The following TUBGCP6 variants were observed in gnomAD, a reference collection of about 807,000 sequenced individuals.
The protein encoded by TUBGCP6 is gamma-tubulin complex component 6.
In TUBGCP6, 161 loss-of-function variants were observed where a neutral mutation model predicts 175.8. The ratio of observed to expected loss-of-function variants is 0.92; its 90% confidence interval spans 0.81 to 1.04. The LOEUF (loss-of-function observed/expected upper bound fraction) is 1.04. Among genes scored for constraint, TUBGCP6 ranks in the 50% least tolerant of loss-of-function variants. TUBGCP6 has a pLI of 0.00. For synonymous variants in TUBGCP6, 1,173 were observed against 1,030.5 expected, an observed-to-expected ratio of 1.14 and a Z score of -2.65; for missense variants, 2,572 against 2,433.0, an observed-to-expected ratio of 1.06 and a Z score of -1.20.
Position 50,221,517 on chromosome 22 carries a change from G to A in TUBGCP6, c.2842C>T (p.Pro948Ser), listed in dbSNP as rs772876266. 2 of 1,584,502 alleles carry A rather than the reference G, an allele frequency of 1.3e-6. No homozygotes were observed. The highest frequency in any genetic ancestry group is 2.3e-5 in the South Asian group (2 of 88,490). ...PAAASTQPSRPQEYDFSTVLR... is the reference protein window; with the variant it reads ...PAAASTQPSRSQEYDFSTVLR... ...ACAGTACTAAAGTCGTACTCCTGTG[G>A]CCTGGAGGGCTGAGTGCTGGCTGCT... The change falls in exon 16 of 25, where the codon CCA (proline) becomes TCA (serine). Residue 948 changes from proline (P) to serine (S), a missense_variant. Physicochemically the swap from Pro to Ser is moderately conservative, Grantham distance 74. Transcript: ENST00000248846.
Position 50,221,182 on chromosome 22 carries a change from G to C in TUBGCP6, c.3177C>G (p.Ala1059=), listed in dbSNP as rs1394155746. 4.4e-6 allele frequency: 7 copies of C among 1,608,106 alleles called. No individual in the cohort carries two copies. The Admixed American group carries it at 1.2e-4, about 27-fold the overall frequency. The change falls in exon 16 of 25, where the codon GCC becomes GCG. Residue 1059 remains alanine, a synonymous_variant. Transcript: ENST00000248846. ...ACACATTCTCCCCGACCCTGATGCT[G>C]GCGTCAGACACGTGCCCGTGGGTGT... is the stretch of plus-strand genomic sequence containing the variant. The part of the protein sequence containing the change: ...RWNTHGHVSD[A]SIRVGENVSD...
Position 50,244,610 on chromosome 22 carries a change from A to G in TUBGCP6, c.-151T>C. 1 of 1,170,814 alleles carries G rather than the reference A, an allele frequency of 8.5e-7. No homozygotes were observed. The highest frequency in any genetic ancestry group is 1.2e-6 in the Non-Finnish European group (1 of 865,418). The allele number at this position is 1,170,814 out of a possible 1,614,324, so 72.5% of individuals were successfully genotyped here. A position where few individuals can be genotyped will look rare whatever the true frequency, so the allele number is the denominator to read the frequency against. On this transcript the variant is annotated 5_prime_UTR_variant, in exon 1 of 25. Coordinates refer to ENST00000248846, the MANE Select transcript of TUBGCP6 (RefSeq NM_020461.4). ...CCGAAGCTCAGAACTGGTATTTTTT[A>G]AAGGAGGTCTTGCGGTTGCTCTACT...
chr22:50,220,984 A>C lies in TUBGCP6; in HGVS notation c.3375T>G (p.Ala1125=). 2 of 1,608,356 alleles carry C rather than the reference A, an allele frequency of 1.2e-6. No individual in the cohort carries two copies. Among genetic ancestry groups the C allele is most frequent in the East Asian group, 4.5e-5 (2 of 44,674 alleles). Reference sequence around the variant, plus strand: ...GGGTATTCCACCGTGGCCTGGTGGGAGCCACATCTGACACATTCTCCCCGA... The same window carrying C: ...GGGTATTCCACCGTGGCCTGGTGGGCGCCACATCTGACACATTCTCCCCGA... ...IRVGENVSDV[A]PTRPRWNTHG... Residue 1125 remains alanine, a synonymous_variant, in exon 16 of 25, where the codon GCT becomes GCG. Transcript: ENST00000248846.
rs1418819436 is a variant in TUBGCP6, at chr22:50,219,722, C to G, written c.4237G>C (p.Gly1413Arg). The part of the protein sequence containing the change: ...EAEASAAEAQ[G>R]GEQAYLAGLA... ...CCTGCCAGGTAGGCCTGCTCCCCAC[C>G]CTGAGCCTCCGCCGCCGATGCCTCC... Residue 1413 changes from glycine (G) to arginine (R), a missense_variant, in exon 18 of 25, where the codon GGT (glycine) becomes CGT (arginine). By Grantham distance (125) the Gly-to-Arg change is moderately radical. Coordinates refer to ENST00000248846, the MANE Select transcript of TUBGCP6 (RefSeq NM_020461.4). 1 of 1,613,778 alleles carries G rather than the reference C, an allele frequency of 6.2e-7. No homozygotes were observed. The highest frequency in any genetic ancestry group is 1.1e-5 in the South Asian group (1 of 91,084).
In TUBGCP6 at chr22:50,226,766, G is replaced by A. The variant is rs1158709604; in HGVS notation, c.1568C>T (p.Ser523Phe). ...GGGCTCGCAGCTGGTCTTCAGCAGG[G>A]ACAGCAGTACAGGGTAGTGCTCGTT... ...CSNEHYPVLLSLLKTSCEPYT... is the reference protein window; with the variant it reads ...CSNEHYPVLLFLLKTSCEPYT... Residue 523 changes from serine (S) to phenylalanine (F), a missense_variant, in exon 7 of 25, where the codon TCC (serine) becomes TTC (phenylalanine). Coordinates refer to ENST00000248846, the MANE Select transcript of TUBGCP6 (RefSeq NM_020461.4). The A allele has an allele frequency of 1.5e-5, 24 of 1,592,838 alleles. No homozygotes were observed. Among genetic ancestry groups the A allele is most frequent in the Non-Finnish European group, 1.8e-5 (21 of 1,170,710 alleles).
At position 50,244,579 on chromosome 22, in the gene TUBGCP6, C is replaced by A; in HGVS notation, c.-120G>T. On this transcript the variant is annotated 5_prime_UTR_variant, in exon 1 of 25. Transcript: ENST00000248846. ...AGAGGCTGAATGACAGGCGGCCTCT[C>A]CAATGCCGAAGCTCAGAACTGGTAT... 1 of 1,418,628 alleles carries A rather than the reference C, an allele frequency of 7.0e-7. No homozygotes were observed. The highest frequency in any genetic ancestry group is 1.5e-5 in the South Asian group (1 of 67,710). 87.9% of individuals were successfully genotyped at this position (1,418,628 alleles called of 1,614,324 possible).
chr22:50,227,891 C>T lies in TUBGCP6; in HGVS notation c.1412+16G>A, dbSNP rs779315954. The T allele has an allele frequency of 1.9e-6, 3 of 1,570,926 alleles. No homozygotes were observed. Among genetic ancestry groups the T allele is most frequent in the South Asian group, 2.3e-5 (2 of 85,612 alleles). On this transcript the variant is annotated intron_variant, in intron 5 of 24. Transcript: ENST00000248846. The stretch of plus-strand genomic sequence containing the variant: ...TCCCGCAAAGTCCCCTGCTCAGCCG[C>T]CATGCTGAGGCTCACCTGAGCTGCC...
intron 2 of TUBGCP6, among the ~76,000 whole-genome samples, chr22:50,237,657 C>T (rs531547837): frequency 1.3e-5 from 2 of 152,270 alleles, no homozygotes; most frequent in African/African-American, 4.8e-5. Context: ...CTATAGGAAC[C>T]ACCGCCAGGC....
chr22:50,244,450 T>C lies in TUBGCP6; in HGVS notation c.10A>G (p.Ile4Val), dbSNP rs61736756. ...CACAGGTCGTCGAACAGCTGCGTGA[T>C]GCTGGCCATGCCCCTTCTCAGCTCC... MASITQLFDDLCEA... is the reference protein window; with the variant it reads MASVTQLFDDLCEA... The change falls in exon 1 of 25, where the codon ATC becomes GTC. Residue 4 changes from isoleucine to valine, a missense_variant. Coordinates refer to ENST00000248846, the MANE Select transcript of TUBGCP6 (RefSeq NM_020461.4). The C allele has an allele frequency of 7.5e-3, 12,124 of 1,610,890 alleles. 808 individuals carry two copies. In the African/African-American group the frequency reaches 0.14, roughly 19 times the overall value.
chr22:50,243,808 G>T lies in TUBGCP6; in HGVS notation c.652C>A (p.Leu218Ile), dbSNP rs1375875073. ...RDTRVSLFGALVHSRTYDMDV... is the reference protein window; with the variant it reads ...RDTRVSLFGAIVHSRTYDMDV... ...ATGTCATAAGTGCGGCTGTGCACAA[G>T]GGCCCCGAAGAGCGAGACCCGGGTG... is the stretch of plus-strand genomic sequence containing the variant. The change falls in exon 1 of 25, where the codon CTT becomes ATT. Residue 218 changes from leucine to isoleucine, a missense_variant. Leu to Ile is a conservative substitution (Grantham distance 5). Coordinates refer to ENST00000248846, the MANE Select transcript of TUBGCP6 (RefSeq NM_020461.4). 1 of 1,613,516 alleles carries T rather than the reference G, an allele frequency of 6.2e-7. No individual in the cohort carries two copies. Among genetic ancestry groups the T allele is most frequent in the African/African-American group, 1.3e-5 (1 of 74,874 alleles).
At chr22:50,224,721 AC>A in intron 10 of TUBGCP6, 129 bp from the exon 11 acceptor site, 1 of 859,566 alleles carries the variant, frequency 1.2e-6, no homozygotes, top group Non-Finnish European at 1.8e-6. Flanking sequence ...AGCCTGGACA[AC>A]ATAGCAAAAA....
intron 16 of TUBGCP6, 41 bp from the exon 17 acceptor site, chr22:50,220,056 T>G (rs1262355872): frequency 6.2e-7 from 1 of 1,606,522 alleles, no homozygotes; most frequent in Non-Finnish European, 8.5e-7. Flanking sequence ...CAGGGCCGAG[T>G]GCCTGTGGCG....
At chr22:50,220,059 C>G (rs757670183) in intron 16 of TUBGCP6, 44 bp from the exon 17 acceptor site, 4 of 1,602,616 alleles carry the variant, frequency 2.5e-6, no homozygotes, top group Non-Finnish European at 3.4e-6. Flanking sequence ...GGCCGAGTGC[C>G]TGTGGCGGGT....
At chr22:50,222,852 C>A (rs2064550488) in intron 13 of TUBGCP6, 2 of 472,506 alleles carry the variant, frequency 4.2e-6, no homozygotes, top group Non-Finnish European at 7.6e-6. Flanking sequence ...TGGACAAATA[C>A]CAGAATGAGA....
chr22:50,238,725 G>A (rs1021550806), intron 2 of TUBGCP6, among the ~76,000 whole-genome samples: 37 of 152,108 alleles, frequency 2.4e-4, no homozygotes, highest in African/African-American at 8.2e-4. Context: ...TTTTAGTAGA[G>A]ACGGGGTTTC....
chr22:50,217,994 ACCCCGCGGGC>A lies in TUBGCP6; in HGVS notation c.5282_5291del (p.Gly1761ValfsTer28). The A allele has an allele frequency of 1.9e-6, 3 of 1,602,908 alleles. No individual in the cohort carries two copies. The highest frequency in any genetic ancestry group is 1.1e-5 in the South Asian group (1 of 90,064). On this transcript the variant is annotated frameshift_variant, in exon 24 of 25. Transcript: ENST00000248846. LOFTEE classifies it high-confidence loss of function. ...TGAGTGCAAAGTTGGGGTGCTCTGCACCCCGCGGGCCCCCAGGGGGCCCCCAGGCCTGGGA... is the reference window on the plus strand; with the variant it reads ...TGAGTGCAAAGTTGGGGTGCTCTGCACCCCAGGGGGCCCCCAGGCCTGGGA...
At chr22:50,222,697 G>GCC in intron 13 of TUBGCP6, 105 bp from the exon 14 acceptor site, 3 of 1,478,902 alleles carry the variant, frequency 2.0e-6, no homozygotes, top group Non-Finnish European at 1.8e-6. Context: ...GCCCCAGTGG[G>GCC]CCCCCGCCCC....
Position 50,219,225 on chromosome 22 carries a change from T to C in TUBGCP6, c.4485-16A>G, listed in dbSNP as rs2064471911. 1 of 1,610,504 alleles carries C rather than the reference T, an allele frequency of 6.2e-7. No homozygotes were observed. Among genetic ancestry groups the C allele is most frequent in the Admixed American group, 1.7e-5 (1 of 59,960 alleles). Reference sequence around the variant, plus strand: ...CAAGGAGATGCTGGCAGGAGGGAGCTGGAGTCAGGGCGGGCCAGGACGGGC... The same window carrying C: ...CAAGGAGATGCTGGCAGGAGGGAGCCGGAGTCAGGGCGGGCCAGGACGGGC... On this transcript the variant is annotated splice_polypyrimidine_tract_variant and intron_variant, in intron 19 of 24. Transcript: ENST00000248846.
Position 50,221,883 on chromosome 22 carries a change from C to CA in TUBGCP6, c.2485-10dup. ...GGGCCCGGAGACGTGACCTGAAACA[C>CA]AGGTGACATCAGACCCAGTCTGGTC... On this transcript the variant is annotated splice_polypyrimidine_tract_variant and intron_variant, in intron 15 of 24. Coordinates refer to ENST00000248846, the MANE Select transcript of TUBGCP6 (RefSeq NM_020461.4). The CA allele has an allele frequency of 6.6e-7, 1 of 1,516,930 alleles. No homozygotes were observed. The highest frequency in any genetic ancestry group is 8.8e-7 in the Non-Finnish European group (1 of 1,132,506). 94.0% of individuals were successfully genotyped at this position (1,516,930 alleles called of 1,614,324 possible).
Sources: allele counts gnomAD v4.1 joint callset (sites outside exome capture counted in the v4.1 genomes callset), GRCh38; gene constraint gnomAD v4.1.1; transcripts MANE v1.5; gene names NCBI Gene and HGNC (gene_info 2026-07-23, HGNC 2026-07-21).